Variants in ATL2 observed in about 807,000 individuals in gnomAD.
ATL2 encodes the protein atlastin GTPase 2.
A neutral mutation model predicts 73.9 loss-of-function variants in ATL2; 31 were observed. That is an observed-to-expected ratio of 0.42 (90% confidence interval 0.32 to 0.57). The LOEUF is 0.57. Among genes scored for constraint, ATL2 ranks in the 20% least tolerant of loss-of-function variants. The probability of loss-of-function intolerance (pLI) is 0.14; values close to 1 mark genes in which losing one functional copy is unlikely to be tolerated. For synonymous variants in ATL2, 291 were observed against 237.5 expected, an observed-to-expected ratio of 1.23 and a Z score of -2.07; for missense variants, 738 against 702.6, an observed-to-expected ratio of 1.05 and a Z score of -0.57.
At chr2:38,373,576 C>T (rs922074563) in intron 1 of ATL2, among the ~76,000 whole-genome samples, 2 of 152,114 alleles carry the variant, frequency 1.3e-5, no homozygotes, top group Non-Finnish European at 2.9e-5. Flanking sequence ...AACTATCATC[C>T]GACCATACAC....
chr2:38,354,243 T>C (rs1174005286), intron 1 of ATL2: 7 of 348,670 alleles, frequency 2.0e-5, no homozygotes, highest in Non-Finnish European at 3.3e-5. Context: ...AGCTATATAA[T>C]GTTCTTCAGG....
At chr2:38,342,585 C>T (rs186677813) in intron 2 of ATL2, among the ~76,000 whole-genome samples, 1 of 152,222 alleles carries the variant, frequency 6.6e-6, no homozygotes, top group East Asian at 1.9e-4. Context: ...ACTTTATCTC[C>T]AAAGGTAATA....
At chr2:38,334,902 T>TTTATAATATATTTATATA (rs1553336557) in intron 2 of ATL2, among the ~76,000 whole-genome samples, 17 of 65,316 alleles carry the variant, frequency 2.6e-4, no homozygotes, top group African/African-American at 6.8e-4. Context: ...ATATATATTA[T>TTTATAATATATTTATATA]TTATAATATA....
chr2:38,366,078 G>C (rs1232635079), intron 1 of ATL2, among the ~76,000 whole-genome samples: 4 of 140,734 alleles, frequency 2.8e-5, no homozygotes, highest in African/African-American at 1.1e-4. Context: ...CCTCCAACTA[G>C]ATAAAATGTG....
At chr2:38,317,902 A>G (rs1055350660) in intron 4 of ATL2, among the ~76,000 whole-genome samples, 5 of 152,248 alleles carry the variant, frequency 3.3e-5, no homozygotes, top group African/African-American at 1.2e-4. Context: ...TTCACATCAT[A>G]AGCCAGAAAA....
intron 1 of ATL2, among the ~76,000 whole-genome samples, chr2:38,349,940 A>T (rs1452138108): frequency 1.3e-5 from 2 of 152,098 alleles, no homozygotes; most frequent in African/African-American, 4.8e-5. Context: ...CTATCTACTT[A>T]CTCCCCATGG....
At chr2:38,320,578 G>A (rs775754997) in intron 2 of ATL2, among the ~76,000 whole-genome samples, 39 of 152,076 alleles carry the variant, frequency 2.6e-4, no homozygotes, top group Non-Finnish European at 4.1e-4. Flanking sequence ...AATTTTTCTA[G>A]AAAATTAAAT....
At chr2:38,335,528 G>T (rs1174876635) in intron 2 of ATL2, among the ~76,000 whole-genome samples, 1 of 152,178 alleles carries the variant, frequency 6.6e-6, no homozygotes. Flanking sequence ...AAGTTCTATA[G>T]TAGGCAAAAC....
chr2:38,303,459 T>A (rs181008679), intron 9 of ATL2, among the ~76,000 whole-genome samples: 2 of 152,160 alleles, frequency 1.3e-5, no homozygotes, highest in African/African-American at 4.8e-5. Context: ...CCCAAAGTGC[T>A]AGGATTACAG....
Position 38,326,635 on chromosome 2 carries a change from C to CA in ATL2, c.364-7617dup, listed in dbSNP as rs577696342. On this transcript the variant is annotated intron_variant, in intron 2 of 12. Transcript: ENST00000378954. ...AGAAAATCTTGAAAGAAGCCAGGAACAAAACACTTTTACCTACAGAGGAAC... is the reference window on the plus strand; with the variant it reads ...AGAAAATCTTGAAAGAAGCCAGGAACAAAAACACTTTTACCTACAGAGGAAC... Among the ~76,000 whole-genome samples, 84 of 152,236 alleles carry CA rather than the reference C, an allele frequency of 5.5e-4. 1 individual carries two copies. Among genetic ancestry groups the CA allele is most frequent in the African/African-American group, 1.9e-3 (81 of 41,560 alleles).
intron 1 of ATL2, among the ~76,000 whole-genome samples, chr2:38,344,649 T>A (rs1018421369): frequency 6.6e-6 from 1 of 152,100 alleles, no homozygotes; most frequent in South Asian, 2.1e-4. Flanking sequence ...TTATTTTTCA[T>A]TCTGAAACTT....
Position 38,298,140 on chromosome 2 carries a change from C to A in ATL2, c.1632+4G>T, listed in dbSNP as rs918509333. On this transcript the variant is annotated splice_donor_region_variant and intron_variant, in intron 12 of 12. Coordinates refer to ENST00000378954, the MANE Select transcript of ATL2 (RefSeq NM_001135673.4). ...CACTAAAAAACCAAAAGATAGATAC[C>A]AACCTGTTCCCATAGTGTTTCAGCA... 6.2e-7 allele frequency: 1 copy of A among 1,602,032 alleles called. No homozygotes were observed. Among genetic ancestry groups the A allele is most frequent in the Non-Finnish European group, 8.5e-7 (1 of 1,173,792 alleles).
chr2:38,331,264 G>A lies in ATL2; in HGVS notation c.363+12004C>T, dbSNP rs550322985. Among the ~76,000 whole-genome samples, 16 of 151,694 alleles carry A rather than the reference G, an allele frequency of 1.1e-4. No individual in the cohort carries two copies. In the South Asian group the frequency reaches 2.9e-3, roughly 28 times the overall value. On this transcript the variant is annotated intron_variant, in intron 2 of 12. Transcript: ENST00000378954. ...CCTGGCCAACTCGATGGTAAAACTC[G>A]ATCTCTACTAAAAATACAAAAAGTA...
Position 38,295,010 on chromosome 2 carries a change from G to GC in ATL2, c.*983_*984insG, listed in dbSNP as rs1345515837. ...TGAATTCCCTTGGTGGGCGGGGGGG[G>GC]GGTGAGATTGCAGTGCTCAAGATAA... On this transcript the variant is annotated 3_prime_UTR_variant, in exon 13 of 13. Coordinates refer to ENST00000378954, the MANE Select transcript of ATL2 (RefSeq NM_001135673.4). 6 of 126,828 alleles carry GC rather than the reference G, an allele frequency of 4.7e-5. No homozygotes were observed. The highest frequency in any genetic ancestry group is 1.0e-4 in the Non-Finnish European group (6 of 59,646). The allele number at this position is 126,828 out of a possible 1,614,324, so 7.9% of individuals were successfully genotyped here.
chr2:38,365,072 T>C (rs1671234196), intron 1 of ATL2, among the ~76,000 whole-genome samples: 2 of 149,386 alleles, frequency 1.3e-5, no homozygotes, highest in South Asian at 2.1e-4. Context: ...CTTTAAGAGT[T>C]GTAAAGTATC....
intron 2 of ATL2, among the ~76,000 whole-genome samples, chr2:38,324,203 G>A (rs544605875): frequency 3.3e-5 from 5 of 152,120 alleles, no homozygotes; most frequent in South Asian, 2.1e-4. Flanking sequence ...GCTTGAACCC[G>A]GGAGGCGGAG....
intron 9 of ATL2, among the ~76,000 whole-genome samples, chr2:38,305,250 C>T (rs917808938): frequency 6.6e-5 from 10 of 152,076 alleles, no homozygotes; most frequent in African/African-American, 2.2e-4. Flanking sequence ...GAAAGAGGAC[C>T]GGGCGCAGTG....
chr2:38,370,150 CAAAAA>C (rs962952444), intron 1 of ATL2, among the ~76,000 whole-genome samples: 3 of 43,928 alleles, frequency 6.8e-5, no homozygotes, highest in East Asian at 6.7e-4. Context: ...GAGACTCCGT[CAAAAA>C]AAAAAAAAAA....
At chr2:38,367,407 T>C (rs1430248791) in intron 1 of ATL2, among the ~76,000 whole-genome samples, 2 of 150,836 alleles carry the variant, frequency 1.3e-5, no homozygotes. Flanking sequence ...ATCGAGAACA[T>C]CCTGGCTAAC....
Sources: gnomAD v4.1 joint callset for allele counts (sites outside exome capture counted in the v4.1 genomes callset) on GRCh38, gnomAD v4.1.1 for gene constraint, MANE v1.5 for transcripts, NCBI Gene and HGNC (gene_info 2026-07-23, HGNC 2026-07-21) for gene names.